Variants in PCDH15 observed in about 807,000 individuals in gnomAD.
The protein encoded by PCDH15 is protocadherin related 15.
A neutral mutation model predicts 178.5 loss-of-function variants in PCDH15; 129 were observed. The observed-to-expected ratio is 0.72, with a 90% CI of 0.63 to 0.84. The LOEUF (loss-of-function observed/expected upper bound fraction) is 0.84, where lower values mean the gene tolerates loss of function less well. Among genes scored for constraint, PCDH15 ranks in the 40% least tolerant of loss-of-function variants. The pLI is 0.00. For synonymous variants in PCDH15, 800 were observed against 732.0 expected (o/e 1.09, Z -1.50); for missense variants, 2,230 against 2,099.9 (o/e 1.06, Z -1.21).
Position 54,118,719 on chromosome 10 carries a change from C to A in PCDH15, c.1917+14156G>T, listed in dbSNP as rs577695085. On this transcript the variant is annotated intron_variant, in intron 15 of 37. Coordinates refer to ENST00000644397, the MANE Select transcript of PCDH15 (RefSeq NM_001384140.1). Reference sequence around the variant, plus strand: ...AAATTAACCCAAGATACATTAAATACTTAAACTAAAAACTAAAACTATAAT... The same window carrying A: ...AAATTAACCCAAGATACATTAAATAATTAAACTAAAAACTAAAACTATAAT... Among the ~76,000 whole-genome samples the A allele has an allele frequency of 2.0e-5, 3 of 151,380 alleles. No individual in the cohort carries two copies. In the East Asian group the frequency reaches 5.8e-4, roughly 29 times the overall value.
intron 15 of PCDH15, among the ~76,000 whole-genome samples, chr10:54,093,964 A>G (rs1477466440): frequency 1.3e-5 from 2 of 152,154 alleles, no homozygotes; most frequent in Admixed American, 6.6e-5. Flanking sequence ...TTGATAAATC[A>G]AGTCATATCC....
At chr10:54,638,284 T>C (rs1459764300) in intron 2 of PCDH15, among the ~76,000 whole-genome samples, 1 of 152,132 alleles carries the variant, frequency 6.6e-6, no homozygotes, top group Non-Finnish European at 1.5e-5. Context: ...CCTTTACATT[T>C]TTTTATTTGA....
chr10:53,989,399 G>C (rs1036202750), intron 21 of PCDH15, among the ~76,000 whole-genome samples: 3 of 151,990 alleles, frequency 2.0e-5, no homozygotes, highest in African/African-American at 7.3e-5. Flanking sequence ...CATCTGAATT[G>C]TTAATTCTAA....
At chr10:55,557,608 G>A (rs1021924356) in intron 2 of PCDH15, among the ~76,000 whole-genome samples, 2 of 151,970 alleles carry the variant, frequency 1.3e-5, no homozygotes, top group African/African-American at 2.4e-5. Flanking sequence ...CATTCATTAG[G>A]GTTACCTTAT....
intron 8 of PCDH15, among the ~76,000 whole-genome samples, chr10:54,289,208 C>T (rs950952348): frequency 1.9e-4 from 29 of 152,202 alleles, no homozygotes; most frequent in African/African-American, 6.8e-4. Flanking sequence ...GCAGCCTCCA[C>T]TGGTGATACC....
chr10:54,663,143 A>G (rs1437226668), intron 2 of PCDH15, among the ~76,000 whole-genome samples: 2 of 151,982 alleles, frequency 1.3e-5, no homozygotes, highest in African/African-American at 2.4e-5. Context: ...ATGTCTTAAT[A>G]TATGCACAAC....
At chr10:54,547,174 G>C (rs775986643) in intron 2 of PCDH15, among the ~76,000 whole-genome samples, 1 of 152,128 alleles carries the variant, frequency 6.6e-6, no homozygotes, top group African/African-American at 2.4e-5. Flanking sequence ...AACAAAGGAA[G>C]TTAATAAGAG....
intron 1 of PCDH15, among the ~76,000 whole-genome samples, chr10:54,672,755 T>C (rs905832889): frequency 2.0e-5 from 3 of 152,110 alleles, no homozygotes; most frequent in Non-Finnish European, 4.4e-5. Context: ...TATGATCAAT[T>C]ATATACAATA....
At chr10:54,879,376 G>A (rs1457537872) in intron 3 of PCDH15, among the ~76,000 whole-genome samples, 8 of 151,924 alleles carry the variant, frequency 5.3e-5, no homozygotes, top group South Asian at 2.1e-4. Flanking sequence ...AAAAGTTTCT[G>A]GTAAATATTA....
At chr10:55,264,959 T>A (rs998151456) in intron 1 of PCDH15, among the ~76,000 whole-genome samples, 3 of 152,158 alleles carry the variant, frequency 2.0e-5, no homozygotes, top group Admixed American at 6.5e-5. Flanking sequence ...TCCTGTTTGC[T>A]GTCTCAGGGA....
rs368352490 is a variant in PCDH15, at chr10:54,726,214, A to G, written c.-28-61924T>C. Among the ~76,000 whole-genome samples, 7 of 151,778 alleles carry G rather than the reference A, an allele frequency of 4.6e-5. No homozygotes were observed. In the East Asian group the frequency reaches 9.7e-4, roughly 21 times the overall value. ...TTACTAACAGTTAGAAAATTGGAGT[A>G]TGATCTCAAATATACTTAATGAAGA... On this transcript the variant is annotated intron_variant, in intron 1 of 37. Transcript: ENST00000644397.
intron 1 of PCDH15, among the ~76,000 whole-genome samples, chr10:55,267,188 A>T (rs1842321678): frequency 6.6e-6 from 1 of 152,202 alleles, no homozygotes; most frequent in African/African-American, 2.4e-5. Context: ...ACACATACAC[A>T]CACACATATA....
chr10:55,095,673 A>C (rs1048361642), intron 2 of PCDH15, among the ~76,000 whole-genome samples: 7 of 152,080 alleles, frequency 4.6e-5, no homozygotes, highest in African/African-American at 1.7e-4. Flanking sequence ...ATAGCTTTCT[A>C]GGCCAAGTGC....
In PCDH15 at chr10:54,383,352, G is replaced by A. The variant is rs150178455; in HGVS notation, c.158-4410C>T. ...TGAAATAAAAGGCCATTTCTTGCTG[G>A]CAAAAGCAAAAATGAACAAGATAAT... On this transcript the variant is annotated intron_variant, in intron 3 of 37. Coordinates refer to ENST00000644397, the MANE Select transcript of PCDH15 (RefSeq NM_001384140.1). 4.9e-3 allele frequency among the ~76,000 whole-genome samples: 752 copies of A among 152,014 alleles called. 8 individuals carry two copies. The highest frequency in any genetic ancestry group is 0.017 in the African/African-American group (698 of 41,514).
intron 8 of PCDH15, among the ~76,000 whole-genome samples, chr10:54,281,549 A>G (rs2058705749): frequency 6.6e-6 from 1 of 152,050 alleles, no homozygotes; most frequent in Admixed American, 6.6e-5. Context: ...CTAAGAATGA[A>G]CTTCATGTGG....
At chr10:54,315,715 AG>A (rs2061210904) in intron 8 of PCDH15, among the ~76,000 whole-genome samples, 2 of 82,392 alleles carry the variant, frequency 2.4e-5, no homozygotes, top group African/African-American at 7.6e-5. Context: ...TTATGGTATA[AG>A]GAGGGGGGGG....
chr10:53,838,314 CT>C lies in PCDH15; in HGVS notation c.3983+2005del, dbSNP rs975948689. 4.9e-4 allele frequency among the ~76,000 whole-genome samples: 75 copies of C among 152,080 alleles called. 1 individual carries two copies. In the Middle Eastern group the frequency reaches 0.01, roughly 21 times the overall value. ...TGATTTATATATATTCTGTTTTTTC[CT>C]TGCCTGCTGGCTATGATAGTTATTT... On this transcript the variant is annotated intron_variant, in intron 29 of 37. Transcript: ENST00000644397.
chr10:53,964,480 TA>T (rs1228031453), intron 21 of PCDH15, among the ~76,000 whole-genome samples: 8 of 148,196 alleles, frequency 5.4e-5, no homozygotes, highest in South Asian at 2.1e-4. Flanking sequence ...TAAATTTATT[TA>T]AAAATTATTT....
rs56290679 is a variant in PCDH15, at chr10:53,855,904, G to GTATATATATATATATATATATA, written c.3806+1270_3806+1271insTATATATATATATATATATATA. On this transcript the variant is annotated intron_variant, in intron 28 of 37. Coordinates refer to ENST00000644397, the MANE Select transcript of PCDH15 (RefSeq NM_001384140.1). Reference sequence around the variant, plus strand: ...TAAAAGTTAAAAAAAAAGGTGATATGTATATATATATATATATGTATGTGT... The same window carrying GTATATATATATATATATATATA: ...TAAAAGTTAAAAAAAAAGGTGATATGTATATATATATATATATATATATATATATATATATATATGTATGTGT... Among the ~76,000 whole-genome samples, 438 of 109,516 alleles carry GTATATATATATATATATATATA rather than the reference G, an allele frequency of 4.0e-3. 22 individuals carry two copies. The highest frequency in any genetic ancestry group is 0.034 in the East Asian group (34 of 994). The allele number at this position is 109,516 out of a possible 152,430, so 71.8% of individuals were successfully genotyped here. A position where few individuals can be genotyped will look rare whatever the true frequency, so the allele number is the denominator to read the frequency against.
Sources: allele counts gnomAD v4.1 joint callset (sites outside exome capture counted in the v4.1 genomes callset), GRCh38; gene constraint gnomAD v4.1.1; transcripts MANE v1.5; gene names NCBI Gene and HGNC (gene_info 2026-07-23, HGNC 2026-07-21).